The following ZNF546 variants were observed in gnomAD, a reference collection of about 807,000 sequenced individuals.
ZNF546 encodes the protein zinc finger protein 546.
ZNF546 carries 60 observed loss-of-function variants against 76.2 expected under a neutral mutation model. The observed-to-expected ratio is 0.79, with a 90% confidence interval of 0.64 to 0.98. ZNF546 has a LOEUF of 0.98. ZNF546 is among the 50% of genes least tolerant of loss of function. The pLI is 0.00. For missense variants in ZNF546, 936 were observed against 1,035.6 expected, an observed-to-expected ratio of 0.90 and a Z score of 1.32; for synonymous variants, 277 against 328.1, an observed-to-expected ratio of 0.84 and a Z score of 1.68.
chr19:40,002,204 TGCC>T, intron 3 of ZNF546, among the ~76,000 whole-genome samples: 1 of 152,252 alleles, frequency 6.6e-6, no homozygotes, highest in Non-Finnish European at 1.5e-5. Context: ...GGCCTTAGTG[TGCC>T]ATCATAACTG....
intron 6 of ZNF546, among the ~76,000 whole-genome samples, chr19:40,010,160 TGGG>T (rs1206703100): frequency 3.9e-5 from 6 of 152,186 alleles, no homozygotes; most frequent in Non-Finnish European, 7.4e-5. Flanking sequence ...CCCAGCACTT[TGGG>T]AGGCCGAGAC....
Position 40,015,162 on chromosome 19 carries a change from A to T in ZNF546, c.1892A>T (p.His631Leu). 2 of 1,614,156 alleles carry T rather than the reference A, an allele frequency of 1.2e-6. No individual in the cohort carries two copies. Among genetic ancestry groups the T allele is most frequent in the Non-Finnish European group, 1.7e-6 (2 of 1,180,038 alleles). Residue 631 changes from histidine (H) to leucine (L), a missense_variant, in exon 7 of 7, where the codon CAT (histidine) becomes CTT (leucine). Transcript: ENST00000347077. Reference sequence around the variant, plus strand: ...GAACTTACTCAGCATCACAGAATTCATACTGGTGAAAAACCCTATAAATGT... The same window carrying T: ...GAACTTACTCAGCATCACAGAATTCTTACTGGTGAAAAACCCTATAAATGT... ...QTELTQHHRIHTGEKPYKCTE... is the reference protein window; with the variant it reads ...QTELTQHHRILTGEKPYKCTE...
chr19:40,005,054 T>A (rs1312534750), intron 3 of ZNF546, among the ~76,000 whole-genome samples: 1 of 143,326 alleles, frequency 7.0e-6, no homozygotes, highest in African/African-American at 2.7e-5. Context: ...AGTCTTGCTC[T>A]GTCGCCCAGG....
intron 3 of ZNF546, among the ~76,000 whole-genome samples, chr19:40,000,615 C>CAAAAA (rs550470156): frequency 5.3e-5 from 3 of 56,708 alleles, no homozygotes; most frequent in Admixed American, 1.8e-4. Flanking sequence ...GACTCTGTCT[C>CAAAAA]AAAAAAAAAA....
Position 40,007,302 on chromosome 19 carries a change from TAGACCTCTCCCAAGAGG to T in ZNF546, c.203_219del (p.Asp68ValfsTer32). 1 of 1,602,430 alleles carries T rather than the reference TAGACCTCTCCCAAGAGG, an allele frequency of 6.2e-7. No individual in the cohort carries two copies. The highest frequency in any genetic ancestry group is 8.5e-7 in the Non-Finnish European group (1 of 1,173,224). The stretch of plus-strand genomic sequence containing the variant: ...TCTTTGGCATTTAGGGATGTGTCCA[TAGACCTCTCCCAAGAGG>T]AGTGGGAGTGCCTGGACGCTGTGCA... On this transcript the variant is annotated frameshift_variant, in exon 5 of 7. Coordinates refer to ENST00000347077, the MANE Select transcript of ZNF546 (RefSeq NM_178544.5). LOFTEE classifies it high-confidence loss of function.
rs1599747776 is a variant in ZNF546 at position 40,017,700 on chromosome 19, T to A, written c.*1919T>A. On this transcript the variant is annotated 3_prime_UTR_variant, in exon 7 of 7. Transcript: ENST00000347077. ...CATTTTATGTGTAGCCCAAGATAAT[T>A]CTTCTTCCAGTGTAACCCAGGGAAG... 6.6e-6 allele frequency: 1 copy of A among 152,126 alleles called. No individual in the cohort carries two copies. Among genetic ancestry groups the A allele is most frequent in the East Asian group, 1.9e-4 (1 of 5,194 alleles). 9.4% of individuals were successfully genotyped at this position (152,126 alleles called of 1,614,324 possible).
At chr19:40,011,012 G>C (rs1971664500) in intron 6 of ZNF546, among the ~76,000 whole-genome samples, 1 of 151,998 alleles carries the variant, frequency 6.6e-6, no homozygotes, top group African/African-American at 2.4e-5. Context: ...TTGGTTGTTT[G>C]CTAATTATTG....
In ZNF546 at chr19:40,014,771, G is replaced by A; in HGVS notation, c.1501G>A (p.Glu501Lys). The A allele has an allele frequency of 2.5e-6, 4 of 1,613,662 alleles. No homozygotes were observed. Among genetic ancestry groups the A allele is most frequent in the Non-Finnish European group, 3.4e-6 (4 of 1,179,978 alleles). Residue 501 changes from glutamate (E) to lysine (K), a missense_variant, in exon 7 of 7, where the codon GAA (glutamate) becomes AAA (lysine). Coordinates refer to ENST00000347077, the MANE Select transcript of ZNF546 (RefSeq NM_178544.5). ...CGGTGAGATTCCCTATGAATGTAAG[G>A]AATGTGGAAAAACCTTCAGTAGTCG... ...HTGEIPYECK[E>K]CGKTFSSRYH...
intron 5 of ZNF546, 126 bp from the exon 6 acceptor site, chr19:40,008,344 G>T: frequency 1.8e-6 from 1 of 569,248 alleles, no homozygotes; most frequent in Non-Finnish European, 3.1e-6. Context: ...TACTGTCATG[G>T]CATTGTCTAG....
chr19:40,019,529 G>A lies in ZNF546; in HGVS notation c.*3748G>A, dbSNP rs2144657747. 6.6e-6 allele frequency: 1 copy of A among 152,260 alleles called. No homozygotes were observed. Among genetic ancestry groups the A allele is most frequent in the South Asian group, 2.1e-4 (1 of 4,828 alleles). The allele number at this position is 152,260 out of a possible 1,614,324, so 9.4% of individuals were successfully genotyped here. On this transcript the variant is annotated 3_prime_UTR_variant, in exon 7 of 7. Transcript: ENST00000347077. ...AAAGGAAAAAGATAATTACAGCATT[G>A]TGAATGAGAATTGGATGTAAGTACA...
At chr19:40,004,132 A>G (rs1203783047) in intron 3 of ZNF546, among the ~76,000 whole-genome samples, 1 of 146,576 alleles carries the variant, frequency 6.8e-6, no homozygotes, top group East Asian at 1.9e-4. Context: ...ATATTAATAT[A>G]TATATATATC....
chr19:40,012,261 G>C (rs1015185664), intron 6 of ZNF546, among the ~76,000 whole-genome samples: 1 of 152,238 alleles, frequency 6.6e-6, no homozygotes, highest in Admixed American at 6.5e-5. Flanking sequence ...GGTAACAATA[G>C]GTAATTGGAA....
rs1431643330 is a variant in ZNF546 at position 40,019,026 on chromosome 19, G to A, written c.*3245G>A. On this transcript the variant is annotated 3_prime_UTR_variant, in exon 7 of 7. Coordinates refer to ENST00000347077, the MANE Select transcript of ZNF546 (RefSeq NM_178544.5). Reference sequence around the variant, plus strand: ...ATGGTAATCACCAGGTTTCTCTGTTGTAGAGCTAAATATTTCTTTTAATTT... The same window carrying A: ...ATGGTAATCACCAGGTTTCTCTGTTATAGAGCTAAATATTTCTTTTAATTT... 1.3e-5 allele frequency: 2 copies of A among 152,192 alleles called. No homozygotes were observed. The highest frequency in any genetic ancestry group is 2.9e-5 in the Non-Finnish European group (2 of 68,028). The allele number at this position is 152,192 out of a possible 1,614,324, so 9.4% of individuals were successfully genotyped here.
At position 40,013,660 on chromosome 19, in the gene ZNF546, T is replaced by G. The variant is rs1971700059; in HGVS notation, c.395-5T>G. Reference sequence around the variant, plus strand: ...CTTTGCTTTTTTTTTTTTTTTTTTTTGCAGATTTGGAATACAAGTATATTA... The same window carrying G: ...CTTTGCTTTTTTTTTTTTTTTTTTTGGCAGATTTGGAATACAAGTATATTA... On this transcript the variant is annotated splice_region_variant and splice_polypyrimidine_tract_variant and intron_variant, in intron 6 of 6. Transcript: ENST00000347077. 11 of 1,288,530 alleles carry G rather than the reference T, an allele frequency of 8.5e-6. No homozygotes were observed. In the African/African-American group the frequency reaches 1.2e-4, roughly 14 times the overall value. The allele number at this position is 1,288,530 out of a possible 1,614,324, so 79.8% of individuals were successfully genotyped here.
intron 4 of ZNF546, 107 bp downstream of exon 4, chr19:40,006,289 C>T (rs766008377): frequency 3.1e-6 from 3 of 960,074 alleles, no homozygotes; most frequent in Admixed American, 2.2e-5. Flanking sequence ...TGTTGTGGAA[C>T]CTGCTCCCTA....
intron 4 of ZNF546, 128 bp downstream of exon 4, chr19:40,006,310 A>C: frequency 1.3e-6 from 1 of 758,140 alleles, no homozygotes; most frequent in Non-Finnish European, 2.2e-6. Flanking sequence ...GTTACTCCCT[A>C]GTTACAGTGA....
At chr19:40,008,048 A>G (rs891477084) in intron 5 of ZNF546, among the ~76,000 whole-genome samples, 1 of 152,156 alleles carries the variant, frequency 6.6e-6, no homozygotes, top group Non-Finnish European at 1.5e-5. Context: ...TGCATATATT[A>G]ATTCATTTAA....
At chr19:40,011,951 T>C (rs1971676951) in intron 6 of ZNF546, among the ~76,000 whole-genome samples, 1 of 152,192 alleles carries the variant, frequency 6.6e-6, no homozygotes, top group Non-Finnish European at 1.5e-5. Flanking sequence ...CACTGGGAGT[T>C]AGGAACATGT....
chr19:40,012,641 A>G (rs916300998), intron 6 of ZNF546, among the ~76,000 whole-genome samples: 1 of 152,196 alleles, frequency 6.6e-6, no homozygotes, highest in Non-Finnish European at 1.5e-5. Context: ...ATCTCCATCA[A>G]AGCCATTTGA....
Sources: gnomAD v4.1 joint callset for allele counts (sites outside exome capture counted in the v4.1 genomes callset) on GRCh38, gnomAD v4.1.1 for gene constraint, MANE v1.5 for transcripts, NCBI Gene and HGNC (gene_info 2026-07-23, HGNC 2026-07-21) for gene names.